THSD7B: variants seen among roughly 807,000 people sequenced by gnomAD.
The protein encoded by THSD7B is thrombospondin type 1 domain containing 7B.
A neutral mutation model predicts 213.6 loss-of-function variants in THSD7B; 138 were observed. That is an observed-to-expected ratio of 0.65 (90% CI 0.56 to 0.74). THSD7B has a LOEUF of 0.74. Among genes scored for constraint, THSD7B ranks in the 30% least tolerant of loss-of-function variants. THSD7B has a pLI of 0.00. For synonymous variants in THSD7B, 742 were observed against 687.0 expected (o/e 1.08, Z -1.25); for missense variants, 1,931 against 1,991.5 (o/e 0.97, Z 0.58).
chr2:137,612,585 T>TAATA (rs1682309103), intron 17 of THSD7B, among the ~76,000 whole-genome samples: 1 of 152,174 alleles, frequency 6.6e-6, no homozygotes, highest in African/African-American at 2.4e-5. Flanking sequence ...AAATAAATTT[T>TAATA]AATAACAAAT....
At chr2:136,932,573 TTAAG>T (rs1573718096) in intron 2 of THSD7B, among the ~76,000 whole-genome samples, 1 of 152,272 alleles carries the variant, frequency 6.6e-6, no homozygotes, top group South Asian at 2.1e-4. Flanking sequence ...ATTCTTACAA[TTAAG>T]TAAGCTAGAG....
chr2:137,071,654 T>G (rs868333184), intron 3 of THSD7B, among the ~76,000 whole-genome samples: 1 of 151,922 alleles, frequency 6.6e-6, no homozygotes, highest in Non-Finnish European at 1.5e-5. Context: ...CTGAATGGTA[T>G]TGCCTAGGTT....
At chr2:136,766,412 GA>G (rs1375152295) in intron 1 of THSD7B, among the ~76,000 whole-genome samples, 2 of 151,744 alleles carry the variant, frequency 1.3e-5, no homozygotes, top group Non-Finnish European at 1.5e-5. Context: ...GAGGGGCAGG[GA>G]GGGGGGGACA....
intron 21 of THSD7B, among the ~76,000 whole-genome samples, chr2:137,648,635 C>T (rs1367510567): frequency 6.6e-6 from 1 of 152,136 alleles, no homozygotes; most frequent in African/African-American, 2.4e-5. Flanking sequence ...CATTGATGTG[C>T]ACTTAGGTTG....
intron 7 of THSD7B, among the ~76,000 whole-genome samples, chr2:137,216,266 TGCCCCCC>T (rs1681240270): frequency 5.2e-5 from 1 of 19,338 alleles, no homozygotes; most frequent in Non-Finnish European, 1.3e-4. Context: ...CCCTGACCCC[TGCCCCCC>T]GCCCCCCACC....
chr2:136,973,542 GA>G (rs1685436008), intron 2 of THSD7B, among the ~76,000 whole-genome samples: 1 of 152,056 alleles, frequency 6.6e-6, no homozygotes, highest in African/African-American at 2.4e-5. Flanking sequence ...AATTATTTGT[GA>G]AAATGGACTT....
intron 4 of THSD7B, among the ~76,000 whole-genome samples, chr2:137,102,819 A>T (rs1305650068): frequency 6.6e-6 from 1 of 152,198 alleles, no homozygotes; most frequent in Non-Finnish European, 1.5e-5. Context: ...GAAATAAAGC[A>T]TGAAGACAAG....
chr2:137,140,117 T>C (rs1056040771), intron 5 of THSD7B, among the ~76,000 whole-genome samples: 1 of 152,140 alleles, frequency 6.6e-6, no homozygotes, highest in African/African-American at 2.4e-5. Context: ...TGAATTGGCA[T>C]AAATAGTTTT....
chr2:137,314,756 G>A (rs1305142629), intron 12 of THSD7B, among the ~76,000 whole-genome samples: 4 of 152,136 alleles, frequency 2.6e-5, no homozygotes, highest in African/African-American at 9.7e-5. Context: ...GTCTGTTGGA[G>A]TACTCGGCCT....
chr2:137,632,991 G>A (rs1036558388), intron 20 of THSD7B, among the ~76,000 whole-genome samples: 1 of 152,128 alleles, frequency 6.6e-6, no homozygotes, highest in Non-Finnish European at 1.5e-5. Context: ...CTGAGGGACT[G>A]TATCTCTGGG....
At chr2:136,948,115 GT>G (rs58191405) in intron 2 of THSD7B, among the ~76,000 whole-genome samples, 13 of 151,648 alleles carry the variant, frequency 8.6e-5, no homozygotes, top group Non-Finnish European at 1.8e-4. Context: ...TTGTATGTAT[GT>G]TTTTTTTTAA....
At chr2:137,220,578 A>C (rs1573894593) in intron 7 of THSD7B, among the ~76,000 whole-genome samples, 1 of 152,318 alleles carries the variant, frequency 6.6e-6, no homozygotes, top group Middle Eastern at 3.4e-3. Flanking sequence ...GCAATGTAGA[A>C]CTCTCAAACA....
intron 20 of THSD7B, among the ~76,000 whole-genome samples, chr2:137,624,425 C>G (rs1682583326): frequency 6.6e-6 from 1 of 152,138 alleles, no homozygotes; most frequent in South Asian, 2.1e-4. Context: ...TGGGGAAGGA[C>G]TTCATGTCTA....
intron 1 of THSD7B, among the ~76,000 whole-genome samples, chr2:136,839,152 A>G (rs1459187483): frequency 6.6e-6 from 1 of 152,204 alleles, no homozygotes; most frequent in East Asian, 1.9e-4. Flanking sequence ...ATTTTCCTAG[A>G]CTATGCTTTG....
rs1328189128 is a variant in THSD7B at position 137,572,555 on chromosome 2, A to G, written c.3422A>G (p.Gln1141Arg). 6.2e-7 allele frequency: 1 copy of G among 1,613,726 alleles called. No homozygotes were observed. The highest frequency in any genetic ancestry group is 8.5e-7 in the Non-Finnish European group (1 of 1,179,722). Residue 1141 changes from glutamine to arginine, a missense_variant and splice_region_variant, in exon 17 of 28, where the codon CAG becomes CGG. Physicochemically the swap from Gln to Arg is conservative, Grantham distance 43 (BLOSUM62 1). Coordinates refer to ENST00000409968, the MANE Select transcript of THSD7B (RefSeq NM_001316349.2). ...TGGGGACTTTGGAGCAAATGCCCAC[A>G]GGTAATTTCTCTTTCTTTGTCAATG... is the stretch of plus-strand genomic sequence containing the variant. The part of the protein sequence containing the change: ...SEWGLWSKCP[Q>R]SCDPHTMQRR...
At chr2:137,236,139 C>A (rs189911501) in intron 9 of THSD7B, among the ~76,000 whole-genome samples, 115 of 152,130 alleles carry the variant, frequency 7.6e-4, no homozygotes, top group Non-Finnish European at 1.2e-3. Flanking sequence ...GGAAAAGATC[C>A]CCTGTCATAT....
At chr2:137,449,391 A>G (rs187806866) in intron 14 of THSD7B, among the ~76,000 whole-genome samples, 1 of 152,330 alleles carries the variant, frequency 6.6e-6, no homozygotes, top group East Asian at 1.9e-4. Flanking sequence ...CACAGACTTC[A>G]CATCTCAAAA....
intron 17 of THSD7B, among the ~76,000 whole-genome samples, chr2:137,577,617 T>C (rs1681490906): frequency 6.6e-6 from 1 of 152,052 alleles, no homozygotes; most frequent in South Asian, 2.1e-4. Context: ...TATCTACATA[T>C]GACAAACCTT....
intron 1 of THSD7B, among the ~76,000 whole-genome samples, chr2:136,875,452 G>T (rs1468659568): frequency 6.6e-6 from 1 of 151,624 alleles, no homozygotes; most frequent in South Asian, 2.1e-4. Context: ...AATCCATTCT[G>T]CACTTTCCGT....
Sources: gnomAD v4.1 joint callset for allele counts (sites outside exome capture counted in the v4.1 genomes callset) on GRCh38, gnomAD v4.1.1 for gene constraint, MANE v1.5 for transcripts, NCBI Gene and HGNC (gene_info 2026-07-23, HGNC 2026-07-21) for gene names.